MEIG1: variants seen among roughly 807,000 people sequenced by gnomAD.
The protein encoded by MEIG1 is meiosis expressed gene 1 protein homolog.
In MEIG1, 12 loss-of-function variants were observed where a neutral mutation model predicts 11.3. The observed-to-expected ratio is 1.07, with a 90% confidence interval of 0.68 to 1.73. The LOEUF (loss-of-function observed/expected upper bound fraction) is 1.73, where lower values mean the gene tolerates loss of function less well. MEIG1 is among the 40% of genes most tolerant of loss of function. The pLI is 0.00. For missense variants in MEIG1, 119 were observed against 104.9 expected (o/e 1.13, Z -0.59); for synonymous variants, 41 against 33.2 (o/e 1.24, Z -0.81).
Position 14,972,781 on chromosome 10 carries a change from T to C in MEIG1, c.*140T>C, listed in dbSNP as rs1843167736. The C allele has an allele frequency of 1.7e-5, 13 of 786,076 alleles. No individual in the cohort carries two copies. Among genetic ancestry groups the C allele is most frequent in the Non-Finnish European group, 2.3e-5 (12 of 511,070 alleles). The allele number at this position is 786,076 out of a possible 1,614,324, so 48.7% of individuals were successfully genotyped here. A position where few individuals can be genotyped will look rare whatever the true frequency, so the allele number is the denominator to read the frequency against. On this transcript the variant is annotated 3_prime_UTR_variant, in exon 3 of 3. Transcript: ENST00000407572. ...TTGTGAAACACAAAAGCCATGAGAA[T>C]TGGTATCTGCTAATCACCTTGTCCT...
At chr10:14,967,501 GATAT>G in intron 2 of MEIG1, among the ~76,000 whole-genome samples, 1 of 97,216 alleles carries the variant, frequency 1.0e-5, no homozygotes, top group Non-Finnish European at 1.9e-5. Context: ...TGGCTACTAA[GATAT>G]TTTTTTTTTT....
chr10:14,974,403 G>A (rs1234442480), downstream of MEIG1, among the ~76,000 whole-genome samples: 2 of 152,094 alleles, frequency 1.3e-5, no homozygotes, highest in Non-Finnish European at 2.9e-5. Flanking sequence ...TCGGTAGAGG[G>A]CGGTGTATTG....
chr10:14,983,222 G>T (rs12246978), intron 1 of MEIG1, among the ~76,000 whole-genome samples: 18,663 of 151,986 alleles, frequency 0.12, 1,285 homozygotes, highest in Middle Eastern at 0.23. Flanking sequence ...TTACTCCCAA[G>T]ATAGCACTGG....
chr10:14,972,657 T>G lies in MEIG1; in HGVS notation c.*16T>G, dbSNP rs777747868. The G allele has an allele frequency of 6.4e-7, 1 of 1,574,406 alleles. No individual in the cohort carries two copies. Among genetic ancestry groups the G allele is most frequent in the Admixed American group, 1.9e-5 (1 of 51,714 alleles). The stretch of plus-strand genomic sequence containing the variant: ...TGCTTACTAGCCTGTCTTCTTTGTA[T>G]TACTTGTCAATTATATTTTAAGTAT... On this transcript the variant is annotated 3_prime_UTR_variant, in exon 3 of 3. Coordinates refer to ENST00000407572, the MANE Select transcript of MEIG1 (RefSeq NM_001080836.3).
intron 2 of MEIG1, among the ~76,000 whole-genome samples, chr10:14,967,959 TTCAAACTTGCATTGG>T (rs1843106268): frequency 6.6e-6 from 1 of 152,178 alleles, no homozygotes; most frequent in African/African-American, 2.4e-5. Context: ...ACTCCCCAAG[TTCAAACTTGCATTGG>T]TCAAGGGTCA....
upstream of MEIG1, among the ~76,000 whole-genome samples, chr10:14,958,662 C>T (rs1842975261): frequency 1.3e-5 from 2 of 152,058 alleles, no homozygotes; most frequent in Non-Finnish European, 1.5e-5. Flanking sequence ...TTTGGGAGGC[C>T]GAGGCGGGTG....
exon 2 of MEIG1, chr10:14,986,941 C>A (rs12358080): frequency 0.17 from 113,223 of 664,830 alleles, 10,224 homozygotes; most frequent in East Asian, 0.27. Flanking sequence ...GGTGAATTGT[C>A]ACACAATCCA....
intron 1 of MEIG1, among the ~76,000 whole-genome samples, chr10:14,965,104 T>G (rs1465788975): frequency 1.3e-5 from 2 of 152,036 alleles, no homozygotes; most frequent in Middle Eastern, 3.2e-3. Flanking sequence ...ATACCTTTAA[T>G]GTATTTCTTG....
intron 1 of MEIG1, among the ~76,000 whole-genome samples, chr10:14,985,071 C>T (rs1387425350): frequency 1.3e-5 from 2 of 151,908 alleles, no homozygotes; most frequent in African/African-American, 4.8e-5. Flanking sequence ...AATGCAGGTA[C>T]ATTCTCTGAC....
upstream of MEIG1, among the ~76,000 whole-genome samples, chr10:14,958,850 A>T (rs1035390421): frequency 3.9e-5 from 6 of 151,946 alleles, no homozygotes; most frequent in Non-Finnish European, 8.8e-5. Flanking sequence ...GAGCCGAGAT[A>T]GCACCACTGC....
intron 1 of MEIG1, among the ~76,000 whole-genome samples, chr10:14,981,536 C>G (rs550725347): frequency 1.3e-5 from 2 of 152,202 alleles, no homozygotes; most frequent in East Asian, 3.9e-4. Context: ...AAGGGGGCGA[C>G]CGGGGCGGTT....
intron 1 of MEIG1, among the ~76,000 whole-genome samples, chr10:14,978,219 C>T (rs1843230814): frequency 6.6e-6 from 1 of 151,802 alleles, no homozygotes; most frequent in Non-Finnish European, 1.5e-5. Flanking sequence ...GGTGTACACC[C>T]TTTGATGTTA....
chr10:14,964,226 G>A (rs894752759), intron 1 of MEIG1, among the ~76,000 whole-genome samples: 1 of 151,976 alleles, frequency 6.6e-6, no homozygotes, highest in Non-Finnish European at 1.5e-5. Flanking sequence ...GAGTCCATTG[G>A]TACTTGTGAC....
At chr10:14,985,359 A>G (rs999401001) in intron 1 of MEIG1, among the ~76,000 whole-genome samples, 1 of 152,042 alleles carries the variant, frequency 6.6e-6, no homozygotes, top group Non-Finnish European at 1.5e-5. Context: ...AATATCCTAA[A>G]GGGACGTTAC....
chr10:14,966,317 CT>C (rs1330672971), intron 1 of MEIG1, 122 bp from the exon 2 acceptor site: 1 of 490,056 alleles, frequency 2.0e-6, no homozygotes, highest in Non-Finnish European at 3.5e-6. Context: ...CTGCCTCAGC[CT>C]CCCAAAGTGC....
At chr10:14,973,783 A>AAG (rs1554806819), downstream of MEIG1, among the ~76,000 whole-genome samples, 1 of 150,164 alleles carries the variant, frequency 6.7e-6, no homozygotes, top group African/African-American at 2.5e-5. Flanking sequence ...AAAAAAAAAA[A>AAG]AAAGAAAACT....
At chr10:14,954,494 T>C (rs1842883766), upstream of MEIG1, 1 of 257,064 alleles carries the variant, frequency 3.9e-6, no homozygotes, top group Non-Finnish European at 7.9e-6. Context: ...CTCTCTTCTG[T>C]TCCCAATTTC....
upstream of MEIG1, among the ~76,000 whole-genome samples, chr10:14,954,946 T>C (rs993610451): frequency 6.6e-6 from 1 of 152,206 alleles, no homozygotes; most frequent in Non-Finnish European, 1.5e-5. Flanking sequence ...TTTATTTATT[T>C]ATTCAGTTGG....
At chr10:14,980,566 C>A (rs1467036595) in intron 1 of MEIG1, among the ~76,000 whole-genome samples, 1 of 152,120 alleles carries the variant, frequency 6.6e-6, no homozygotes, top group Admixed American at 6.5e-5. Flanking sequence ...ACACATTATA[C>A]CCACAGTCCT....
Sources: gnomAD v4.1 joint callset for allele counts (sites outside exome capture counted in the v4.1 genomes callset) on GRCh38, gnomAD v4.1.1 for gene constraint, MANE v1.5 for transcripts, NCBI Gene and HGNC (gene_info 2026-07-23, HGNC 2026-07-21) for gene names.